TTLL11: variants seen among roughly 807,000 people sequenced by gnomAD.
TTLL11 encodes tubulin polyglutamylase TTLL11.
Under a neutral mutation model 51.7 loss-of-function variants are expected in TTLL11, and 42 were observed. The observed-to-expected ratio is 0.81, with a 90% CI of 0.64 to 1.05. The LOEUF is 1.05. Ranked by LOEUF, TTLL11 falls within the 50% of genes least tolerant of loss-of-function variation. TTLL11 has a pLI of 0.00. For synonymous variants in TTLL11, 381 were observed against 383.5 expected, an observed-to-expected ratio of 0.99 and a Z score of 0.08; for missense variants, 799 against 940.4, an observed-to-expected ratio of 0.85 and a Z score of 1.97.
chr9:121,962,011 G>A (rs369137066), intron 6 of TTLL11, among the ~76,000 whole-genome samples: 1 of 152,144 alleles, frequency 6.6e-6, no homozygotes, highest in Non-Finnish European at 1.5e-5. Flanking sequence ...AGCTGAGATC[G>A]TGCCACTGCA....
chr9:122,001,482 G>A (rs73662561), intron 3 of TTLL11, among the ~76,000 whole-genome samples: 3,885 of 150,896 alleles, frequency 0.026, 177 homozygotes, highest in African/African-American at 0.09. Context: ...CACACAGGAG[G>A]TGGTGAGCCA....
chr9:122,024,327 G>A (rs943168960), intron 3 of TTLL11, among the ~76,000 whole-genome samples: 8 of 152,052 alleles, frequency 5.3e-5, no homozygotes, highest in African/African-American at 1.9e-4. Flanking sequence ...CATGTCAATG[G>A]GTCAGAAGAC....
At chr9:122,021,054 C>A (rs1844161342) in intron 3 of TTLL11, among the ~76,000 whole-genome samples, 1 of 152,152 alleles carries the variant, frequency 6.6e-6, no homozygotes, top group Non-Finnish European at 1.5e-5. Flanking sequence ...AGTGTAATAA[C>A]AGAAACTAGA....
Position 121,977,451 on chromosome 9 carries a change from T to C in TTLL11, c.1270-2472A>G, listed in dbSNP as rs564032082. Among the ~76,000 whole-genome samples, 7 of 152,286 alleles carry C rather than the reference T, an allele frequency of 4.6e-5. No homozygotes were observed. In the East Asian group the frequency reaches 1.4e-3, roughly 29 times the overall value. On this transcript the variant is annotated intron_variant, in intron 4 of 8. Transcript: ENST00000321582. ...GAAGGTACTCAATATATGCTATCTC[T>C]TTCCAGTTTCCTGCCAATTCCACCA... is the stretch of plus-strand genomic sequence containing the variant.
intron 6 of TTLL11, among the ~76,000 whole-genome samples, chr9:121,959,071 A>G (rs945235223): frequency 6.6e-6 from 1 of 152,216 alleles, no homozygotes; most frequent in Admixed American, 6.5e-5. Flanking sequence ...GGTAATATGC[A>G]AAGGGCACCT....
intron 6 of TTLL11, among the ~76,000 whole-genome samples, chr9:121,872,876 G>A (rs1157557994): frequency 6.6e-6 from 1 of 152,190 alleles, no homozygotes; most frequent in Non-Finnish European, 1.5e-5. Flanking sequence ...TGTGCCCAAA[G>A]GGCTGCAATT....
intron 1 of TTLL11, among the ~76,000 whole-genome samples, chr9:122,062,462 C>CTTTTTTTTTTT (rs386416145): frequency 2.4e-4 from 19 of 77,702 alleles, no homozygotes; most frequent in East Asian, 3.6e-4. Flanking sequence ...TTATATTATG[C>CTTTTTTTTTTT]TTTTTTTTTT....
chr9:122,066,791 G>A (rs981664892), intron 1 of TTLL11, among the ~76,000 whole-genome samples: 2 of 152,150 alleles, frequency 1.3e-5, no homozygotes, highest in African/African-American at 4.8e-5. Flanking sequence ...ATTTACAAAG[G>A]AAGAAGGTTT....
chr9:121,999,891 A>T (rs72765965), intron 3 of TTLL11, among the ~76,000 whole-genome samples: 7,129 of 152,284 alleles, frequency 0.047, 201 homozygotes, highest in African/African-American at 0.087. Context: ...GGATCTGAAC[A>T]TGGGTGTGTG....
chr9:121,879,573 TG>T (rs1838698520), intron 6 of TTLL11, among the ~76,000 whole-genome samples: 1 of 151,894 alleles, frequency 6.6e-6, no homozygotes, highest in African/African-American at 2.4e-5. Flanking sequence ...ACATAGAGAG[TG>T]GGGCCAAGTC....
chr9:121,865,976 A>G lies in TTLL11; in HGVS notation c.1733+4521T>C, dbSNP rs80113535. On this transcript the variant is annotated intron_variant, in intron 7 of 8. Coordinates refer to ENST00000321582, the MANE Select transcript of TTLL11 (RefSeq NM_001139442.2). Reference sequence around the variant, plus strand: ...GAGATGGACACTGGAAATAAATTCAATTGGAGTGTTTATTATTTTCTTCCC... The same window carrying G: ...GAGATGGACACTGGAAATAAATTCAGTTGGAGTGTTTATTATTTTCTTCCC... Among the ~76,000 whole-genome samples, 11 of 152,370 alleles carry G rather than the reference A, an allele frequency of 7.2e-5. No homozygotes were observed. The East Asian group carries it at 9.6e-4, about 13-fold the overall frequency.
At chr9:121,833,675 T>C (rs1432322405) in intron 8 of TTLL11, among the ~76,000 whole-genome samples, 1 of 152,174 alleles carries the variant, frequency 6.6e-6, no homozygotes. Context: ...AGCATTTACA[T>C]GCGTAGCTGA....
chr9:121,870,631 C>T lies in TTLL11; in HGVS notation c.1599G>A (p.Lys533=), dbSNP rs1228346780. ...PEAHLPSICL[K]QVFPKYAKQF... is the part of the protein sequence containing the mutation. ...GTTTTGCGTACTTGGGGAACACCTG[C>T]TTGAGGCAAATGGAAGGCAGGTGGG... is the stretch of plus-strand genomic sequence containing the variant. Residue 533 remains lysine, a synonymous_variant, in exon 7 of 9, where the codon AAG becomes AAA. Coordinates refer to ENST00000321582, the MANE Select transcript of TTLL11 (RefSeq NM_001139442.2). 2 of 1,551,636 alleles carry T rather than the reference C, an allele frequency of 1.3e-6. No individual in the cohort carries two copies. Among genetic ancestry groups the T allele is most frequent in the East Asian group, 2.4e-5 (1 of 40,942 alleles).
At chr9:122,084,505 T>A (rs1846074567) in intron 1 of TTLL11, among the ~76,000 whole-genome samples, 1 of 152,094 alleles carries the variant, frequency 6.6e-6, no homozygotes, top group Admixed American at 6.5e-5. Context: ...ATAACCTCTG[T>A]GGAGGAATCT....
chr9:122,083,948 T>C (rs1420481231), intron 1 of TTLL11, among the ~76,000 whole-genome samples: 1 of 152,222 alleles, frequency 6.6e-6, no homozygotes, highest in Non-Finnish European at 1.5e-5. Context: ...TTTTATATGC[T>C]TGGGAACAGT....
At chr9:121,957,645 G>A (rs59177551) in intron 6 of TTLL11, among the ~76,000 whole-genome samples, 11,803 of 152,186 alleles carry the variant, frequency 0.078, 694 homozygotes, top group African/African-American at 0.16. Flanking sequence ...CCAAGGAGGC[G>A]TGCTCACATG....
chr9:121,938,794 A>G (rs1403619302), intron 6 of TTLL11, among the ~76,000 whole-genome samples: 1 of 152,220 alleles, frequency 6.6e-6, no homozygotes, highest in Non-Finnish European at 1.5e-5. Context: ...GATAAGTTTC[A>G]TAACCAGGTG....
intron 3 of TTLL11, among the ~76,000 whole-genome samples, chr9:122,017,318 T>A (rs1397298507): frequency 6.6e-6 from 1 of 152,146 alleles, no homozygotes; most frequent in African/African-American, 2.4e-5. Context: ...TGCATTATAT[T>A]CTTTAGTATG....
chr9:122,045,116 A>G (rs1844966689), intron 1 of TTLL11, among the ~76,000 whole-genome samples: 1 of 152,104 alleles, frequency 6.6e-6, no homozygotes, highest in Non-Finnish European at 1.5e-5. Flanking sequence ...AAAAGAAAAA[A>G]AATCACAGGA....
Sources: allele counts gnomAD v4.1 joint callset (sites outside exome capture counted in the v4.1 genomes callset), GRCh38; gene constraint gnomAD v4.1.1; transcripts MANE v1.5; gene names NCBI Gene and HGNC (gene_info 2026-07-23, HGNC 2026-07-21).